The following MACF1 variants were observed in gnomAD, a reference collection of about 807,000 sequenced individuals.
MACF1 encodes microtubule-actin cross-linking factor 1.
A neutral mutation model predicts 854.8 loss-of-function variants in MACF1; 193 were observed. The ratio of observed to expected loss-of-function variants is 0.23; its 90% CI spans 0.20 to 0.25. The LOEUF (loss-of-function observed/expected upper bound fraction) is 0.25. MACF1 is among the 10% of genes least tolerant of loss of function. The probability of loss-of-function intolerance (pLI) is 1.00; values close to 1 mark genes in which losing one functional copy is unlikely to be tolerated. For missense variants in MACF1, 7,722 were observed against 8,929.1 expected (o/e 0.86, Z 5.45); for synonymous variants, 3,185 against 3,226.7 (o/e 0.99, Z 0.44).
chr1:39,331,199 T>TA lies in MACF1; in HGVS notation c.4615-4_4615-3insA. 1 of 1,188,530 alleles carries TA rather than the reference T, an allele frequency of 8.4e-7. No individual in the cohort carries two copies. The highest frequency in any genetic ancestry group is 1.8e-5 in the African/African-American group (1 of 55,268). The allele number at this position is 1,188,530 out of a possible 1,614,324, so 73.6% of individuals were successfully genotyped here. On this transcript the variant is annotated splice_polypyrimidine_tract_variant and splice_region_variant and intron_variant, in intron 36 of 100. Transcript: ENST00000564288. ...TTTTTTTTTTTTTTTTTTTTTTTTT[T>TA]TAGGAATGCAGAGCAGTTGCTGGGG...
intron 35 of MACF1, among the ~76,000 whole-genome samples, chr1:39,325,204 C>G (rs1465215088): frequency 6.6e-6 from 1 of 152,144 alleles, no homozygotes; most frequent in East Asian, 1.9e-4. Flanking sequence ...TTTGGGGCTT[C>G]TCAGCCTGTT....
At chr1:39,307,504 T>G (rs1646206713) in intron 23 of MACF1, among the ~76,000 whole-genome samples, 1 of 152,246 alleles carries the variant, frequency 6.6e-6, no homozygotes, top group Non-Finnish European at 1.5e-5. Flanking sequence ...CTTTTTGCAT[T>G]CATTATGCTA....
At chr1:39,289,651 A>C (rs1274501977) in intron 15 of MACF1, among the ~76,000 whole-genome samples, 1 of 136,396 alleles carries the variant, frequency 7.3e-6, no homozygotes, top group Non-Finnish European at 1.6e-5. Flanking sequence ...CCCTTGTCAG[A>C]TAAGTAGTTT....
chr1:39,358,769 C>T lies in MACF1; in HGVS notation c.12016C>T (p.Leu4006=). ...TCAATTCCAAAACAGTGCTGACAGC[C>T]TGCAGGCCTGGATGCAGGCTTGTGA... ...YHQFQNSADS[L]QAWMQACEAN... Residue 4006 remains leucine (L), a synonymous_variant, in exon 46 of 101, where the codon CTG becomes TTG. Transcript: ENST00000564288. The T allele has an allele frequency of 6.2e-7, 1 of 1,614,092 alleles. No individual in the cohort carries two copies. Among genetic ancestry groups the T allele is most frequent in the Non-Finnish European group, 8.5e-7 (1 of 1,179,990 alleles).
intron 58 of MACF1, chr1:39,410,947 C>A: frequency 6.2e-7 from 1 of 1,613,956 alleles, no homozygotes; most frequent in Non-Finnish European, 8.5e-7. Flanking sequence ...CAGTGCAAAC[C>A]CTCCTCATGA....
intron 2 of MACF1, among the ~76,000 whole-genome samples, chr1:39,178,355 C>G (rs547526641): frequency 6.6e-6 from 1 of 152,030 alleles, no homozygotes; most frequent in Non-Finnish European, 1.5e-5. Flanking sequence ...TTCCTGAAAC[C>G]TTAAAATATA....
At chr1:39,142,506 T>G (rs1643366015) in intron 2 of MACF1, among the ~76,000 whole-genome samples, 1 of 152,048 alleles carries the variant, frequency 6.6e-6, no homozygotes, top group Non-Finnish European at 1.5e-5. Flanking sequence ...TAAGGAGCAG[T>G]GTTTATTTTT....
chr1:39,115,563 C>G (rs536171837), intron 2 of MACF1, among the ~76,000 whole-genome samples: 1 of 151,960 alleles, frequency 6.6e-6, no homozygotes, highest in South Asian at 2.1e-4. Context: ...ACATTGCGGT[C>G]GAGGCTTCTG....
rs757002262 is a variant in MACF1 at position 39,430,782 on chromosome 1, G to T, written c.17211G>T (p.Val5737=). 8 of 1,612,366 alleles carry T rather than the reference G, an allele frequency of 5.0e-6. No homozygotes were observed. In the East Asian group the frequency reaches 1.8e-4, roughly 36 times the overall value. Residue 5737 remains valine, a synonymous_variant, in exon 66 of 101, where the codon GTG becomes GTT. Transcript: ENST00000564288. Reference sequence around the variant, plus strand: ...TGAGCCGTGCTCTCTTAGAGCTGGTGCCCTGGAGAGCCAGAGAAGGGCTGG... The same window carrying T: ...TGAGCCGTGCTCTCTTAGAGCTGGTTCCCTGGAGAGCCAGAGAAGGGCTGG... ...NEVSRALLEL[V]PWRAREGLDK...
At chr1:39,125,111 C>G (rs925124748) in intron 2 of MACF1, among the ~76,000 whole-genome samples, 1 of 151,342 alleles carries the variant, frequency 6.6e-6, no homozygotes, top group Non-Finnish European at 1.5e-5. Context: ...AGCAATTAAA[C>G]AAAAAAAGAC....
intron 93 of MACF1, 105 bp downstream of exon 93, chr1:39,462,142 G>C (rs1476529246): frequency 9.2e-7 from 1 of 1,091,234 alleles, no homozygotes; most frequent in South Asian, 1.6e-5. Flanking sequence ...TTGTCTGTTG[G>C]GAGATAATTA....
At chr1:39,268,557 A>AG in intron 6 of MACF1, 1 of 1,160,230 alleles carries the variant, frequency 8.6e-7, no homozygotes, top group Non-Finnish European at 1.1e-6. Flanking sequence ...GCGGGGAGGG[A>AG]GGGAGAAAGA....
intron 15 of MACF1, 80 bp from the exon 16 acceptor site, chr1:39,291,830 C>G: frequency 6.8e-7 from 1 of 1,468,810 alleles, no homozygotes; most frequent in Non-Finnish European, 9.1e-7. Flanking sequence ...CCCTTGGTTC[C>G]TTGTCCTAAC....
Position 39,347,059 on chromosome 1 carries a change from C to A in MACF1, c.10664C>A (p.Ala3555Asp), listed in dbSNP as rs757493393. The change falls in exon 41 of 101, where the codon GCC (alanine) becomes GAC (aspartate). Residue 3555 changes from alanine to aspartate, a missense_variant. Around this residue, in one of 15 missense-constraint regions of MACF1, gnomAD observed 854 missense variants for 852.6 expected, o/e 1.00. Transcript: ENST00000564288. ...ATTCAGTTCTTTATCTCAGAACATGCCCAGGACTTGTCCCCTCAGCAGAAT... is the reference window on the plus strand; with the variant it reads ...ATTCAGTTCTTTATCTCAGAACATGACCAGGACTTGTCCCCTCAGCAGAAT... ...FDIQFFISEH[A>D]QDLSPQQNRQ... is the part of the protein sequence containing the mutation. 13 of 1,613,934 alleles carry A rather than the reference C, an allele frequency of 8.1e-6. No homozygotes were observed. The highest frequency in any genetic ancestry group is 1.1e-5 in the Non-Finnish European group (13 of 1,179,918).
chr1:39,303,614 G>A (rs1646097933), intron 23 of MACF1, among the ~76,000 whole-genome samples: 1 of 151,548 alleles, frequency 6.6e-6, no homozygotes, highest in Non-Finnish European at 1.5e-5. Context: ...CACTTTGGGA[G>A]GCCGAGGGAG....
Position 39,300,200 on chromosome 1 carries a change from C to T in MACF1, c.2482-10C>T, listed in dbSNP as rs750928711. Reference sequence around the variant, plus strand: ...ATTAATGTCATTTTGTTTTTCTTATCATTTTGTAGGATGAAAAGGAGCAGC... The same window carrying T: ...ATTAATGTCATTTTGTTTTTCTTATTATTTTGTAGGATGAAAAGGAGCAGC... On this transcript the variant is annotated splice_polypyrimidine_tract_variant and intron_variant, in intron 21 of 100. Transcript: ENST00000564288. The T allele has an allele frequency of 1.4e-5, 22 of 1,609,264 alleles. No homozygotes were observed. In the South Asian group the frequency reaches 2.1e-4, roughly 15 times the overall value.
chr1:39,252,917 T>G (rs577702164), intron 4 of MACF1, among the ~76,000 whole-genome samples: 2 of 152,278 alleles, frequency 1.3e-5, no homozygotes, highest in Non-Finnish European at 2.9e-5. Context: ...TATCTCTCCA[T>G]GTGTTAGGGT....
intron 1 of MACF1, among the ~76,000 whole-genome samples, chr1:39,205,606 G>T (rs1644440746): frequency 6.6e-6 from 1 of 152,076 alleles, no homozygotes; most frequent in Non-Finnish European, 1.5e-5. Flanking sequence ...GAGGAGGAAG[G>T]GTCAGTCAGT....
intron 2 of MACF1, among the ~76,000 whole-genome samples, chr1:39,158,722 A>G (rs1349077276): frequency 6.6e-6 from 1 of 152,182 alleles, no homozygotes; most frequent in Non-Finnish European, 1.5e-5. Context: ...GCTCATTTGC[A>G]CAAAGGAGGG....
Sources: gnomAD v4.1 joint callset for allele counts (sites outside exome capture counted in the v4.1 genomes callset) on GRCh38, gnomAD v4.1.1 for gene constraint, gnomAD v4.1.1 regional missense constraint, MANE v1.5 for transcripts, NCBI Gene and HGNC (gene_info 2026-07-23, HGNC 2026-07-21) for gene names.